The following PALLD variants were observed in gnomAD, a reference collection of about 807,000 sequenced individuals.
PALLD encodes palladin.
In PALLD, 61 loss-of-function variants were observed where a neutral mutation model predicts 123.5. The ratio of observed to expected loss-of-function variants is 0.49; its 90% CI spans 0.40 to 0.61. The LOEUF (loss-of-function observed/expected upper bound fraction) is 0.61. PALLD is among the 20% of genes least tolerant of loss of function. The pLI, the probability that PALLD is intolerant of heterozygous loss-of-function variation, is 0.00. For missense variants in PALLD, 1,273 were observed against 1,377.0 expected (o/e 0.92, Z 1.20); for synonymous variants, 465 against 496.4 (o/e 0.94, Z 0.84).
At chr4:168,626,925 T>C (rs987661345) in intron 2 of PALLD, among the ~76,000 whole-genome samples, 1 of 151,898 alleles carries the variant, frequency 6.6e-6, no homozygotes, top group African/African-American at 2.4e-5. Flanking sequence ...AAAAGAACAG[T>C]GGTTGCCAGG....
intron 2 of PALLD, among the ~76,000 whole-genome samples, chr4:168,542,113 T>A (rs1193068787): frequency 6.6e-6 from 1 of 152,198 alleles, no homozygotes; most frequent in Non-Finnish European, 1.5e-5. Flanking sequence ...AAGGTTATAC[T>A]GCTGTTATCC....
chr4:168,790,790 T>C (rs1379970363), intron 10 of PALLD, among the ~76,000 whole-genome samples: 2 of 152,184 alleles, frequency 1.3e-5, no homozygotes, highest in Non-Finnish European at 1.5e-5. Context: ...TATTACTGTT[T>C]ATTATCAGAT....
chr4:168,508,911 G>A (rs940401468), intron 1 of PALLD, among the ~76,000 whole-genome samples: 1 of 151,964 alleles, frequency 6.6e-6, no homozygotes, highest in African/African-American at 2.4e-5. Flanking sequence ...CTGACTGAGG[G>A]GCCAATTGTA....
intron 14 of PALLD, among the ~76,000 whole-genome samples, chr4:168,899,675 G>A (rs904980096): frequency 6.6e-6 from 1 of 152,158 alleles, no homozygotes; most frequent in African/African-American, 2.4e-5. Flanking sequence ...CCAGCATTTT[G>A]CGAGGCCGAG....
chr4:168,879,782 A>G (rs918322982), intron 10 of PALLD, among the ~76,000 whole-genome samples: 4 of 152,252 alleles, frequency 2.6e-5, no homozygotes, highest in Non-Finnish European at 5.9e-5. Flanking sequence ...GGAGCCAAAT[A>G]TAGTAATGAT....
chr4:168,904,152 C>T (rs915655342), intron 15 of PALLD: 9 of 487,114 alleles, frequency 1.8e-5, no homozygotes, highest in African/African-American at 1.2e-4. Context: ...AATATGTACA[C>T]ACTTTCTATG....
chr4:168,707,725 G>C lies in PALLD; in HGVS notation c.1502-1303G>C, dbSNP rs184526747. Among the ~76,000 whole-genome samples, 8 of 152,258 alleles carry C rather than the reference G, an allele frequency of 5.3e-5. No individual in the cohort carries two copies. In the East Asian group the frequency reaches 1.4e-3, roughly 26 times the overall value. On this transcript the variant is annotated intron_variant, in intron 8 of 21. Coordinates refer to ENST00000505667, the MANE Select transcript of PALLD (RefSeq NM_001166108.2). ...AAAAGAGGCATGTCTACAAAGGAAG[G>C]AATAATTGCAGCCATTATTACTAAG...
intron 17 of PALLD, among the ~76,000 whole-genome samples, chr4:168,918,912 C>T (rs1338428900): frequency 3.3e-5 from 5 of 151,826 alleles, no homozygotes; most frequent in South Asian, 2.1e-4. Flanking sequence ...ATTAATTTTA[C>T]GTGTAAAATG....
At chr4:168,725,202 A>G (rs186018912) in intron 10 of PALLD, among the ~76,000 whole-genome samples, 1 of 152,240 alleles carries the variant, frequency 6.6e-6, no homozygotes, top group Non-Finnish European at 1.5e-5. Flanking sequence ...GGAAAAGAGT[A>G]GGTGTAGCCA....
chr4:168,715,887 C>G (rs1002647877), intron 10 of PALLD, among the ~76,000 whole-genome samples: 2 of 151,910 alleles, frequency 1.3e-5, no homozygotes, highest in East Asian at 1.9e-4. Flanking sequence ...AGGGCGGAGC[C>G]TGCAGTGAGC....
intron 10 of PALLD, among the ~76,000 whole-genome samples, chr4:168,778,029 G>A (rs1205436417): frequency 6.6e-6 from 1 of 152,188 alleles, no homozygotes; most frequent in Non-Finnish European, 1.5e-5. Context: ...CTTCGTCTTG[G>A]ATGAACTTTG....
intron 10 of PALLD, among the ~76,000 whole-genome samples, chr4:168,811,876 TA>T (rs1024859309): frequency 1.3e-5 from 2 of 151,792 alleles, no homozygotes; most frequent in African/African-American, 2.4e-5. Context: ...CGTTGGATAT[TA>T]GGGGTGTCAA....
chr4:168,650,482 T>C (rs1777930494), intron 2 of PALLD, among the ~76,000 whole-genome samples: 1 of 152,218 alleles, frequency 6.6e-6, no homozygotes, highest in Non-Finnish European at 1.5e-5. Flanking sequence ...CGTTTCCTTT[T>C]TGATGGACAT....
intron 2 of PALLD, among the ~76,000 whole-genome samples, chr4:168,535,396 G>C (rs1344205083): frequency 6.6e-6 from 1 of 152,154 alleles, no homozygotes; most frequent in East Asian, 1.9e-4. Context: ...AAAAGATTCA[G>C]TATTCAAACT....
rs567668526 is a variant in PALLD at position 168,926,104 on chromosome 4, T to A, written c.*33-109T>A. On this transcript the variant is annotated intron_variant, in intron 21 of 21. Coordinates refer to ENST00000505667, the MANE Select transcript of PALLD (RefSeq NM_001166108.2). The stretch of plus-strand genomic sequence containing the variant: ...ATTTTCCATGTTTCTACCATGGATG[T>A]GTTCAGGTGCCTTGCATCTATCTAG... The A allele has an allele frequency of 1.9e-5, 16 of 844,996 alleles. No individual in the cohort carries two copies. In the Admixed American group the frequency reaches 4.7e-4, roughly 25 times the overall value. 52.3% of individuals were successfully genotyped at this position (844,996 alleles called of 1,614,324 possible). A position where few individuals can be genotyped will look rare whatever the true frequency, so the allele number is the denominator to read the frequency against.
intron 10 of PALLD, among the ~76,000 whole-genome samples, chr4:168,855,652 C>T (rs547300287): frequency 4.6e-5 from 7 of 152,286 alleles, no homozygotes; most frequent in Non-Finnish European, 8.8e-5. Flanking sequence ...AGTCAATCTG[C>T]CAGTTGTCTA....
At chr4:168,554,683 T>C (rs1767089317) in intron 2 of PALLD, among the ~76,000 whole-genome samples, 1 of 152,234 alleles carries the variant, frequency 6.6e-6, no homozygotes, top group Non-Finnish European at 1.5e-5. Context: ...TGAAAGTCTT[T>C]AATGCTCCAT....
chr4:168,848,568 AC>A (rs1747262426), intron 10 of PALLD, among the ~76,000 whole-genome samples: 1 of 152,194 alleles, frequency 6.6e-6, no homozygotes, highest in Non-Finnish European at 1.5e-5. Context: ...GAAGGGAGAC[AC>A]TATTAAAAGC....
chr4:168,633,976 G>A (rs1776093052), intron 2 of PALLD, among the ~76,000 whole-genome samples: 1 of 152,146 alleles, frequency 6.6e-6, no homozygotes, highest in Non-Finnish European at 1.5e-5. Flanking sequence ...ATAAACAAAA[G>A]CTCCAATGGC....
Sources: gnomAD v4.1 joint callset for allele counts (sites outside exome capture counted in the v4.1 genomes callset) on GRCh38, gnomAD v4.1.1 for gene constraint, MANE v1.5 for transcripts, NCBI Gene and HGNC (gene_info 2026-07-23, HGNC 2026-07-21) for gene names.